The following PRKN variants were observed in gnomAD, a reference collection of about 807,000 sequenced individuals.
PRKN encodes E3 ubiquitin-protein ligase parkin.
PRKN carries 56 observed loss-of-function variants against 59.5 expected under a neutral mutation model. That is an observed-to-expected ratio of 0.94 (90% CI 0.76 to 1.18). PRKN has a LOEUF of 1.18. Among genes scored for constraint, PRKN ranks in the 50% most tolerant of loss-of-function variants. The probability of loss-of-function intolerance (pLI) is 0.00; values close to 1 mark genes in which losing one functional copy is unlikely to be tolerated. For missense variants in PRKN, 657 were observed against 596.4 expected, an observed-to-expected ratio of 1.10 and a Z score of -1.06; for synonymous variants, 250 against 222.1, an observed-to-expected ratio of 1.13 and a Z score of -1.12.
intron 4 of PRKN, among the ~76,000 whole-genome samples, chr6:162,058,322 G>A (rs1777948405): frequency 1.3e-5 from 2 of 152,132 alleles, no homozygotes; most frequent in Admixed American, 1.3e-4. Context: ...GGGATAATTA[G>A]GTAATTGTCG....
rs138472940 is a variant in PRKN, at chr6:162,405,793, G to A, written c.171+37517C>T. Among the ~76,000 whole-genome samples the A allele has an allele frequency of 2.9e-4, 44 of 152,242 alleles. No individual in the cohort carries two copies. In the East Asian group the frequency reaches 7.9e-3, roughly 27 times the overall value. On this transcript the variant is annotated intron_variant, in intron 2 of 11. Coordinates refer to ENST00000366898, the MANE Select transcript of PRKN (RefSeq NM_004562.3). Reference sequence around the variant, plus strand: ...CCGCAAGCCAAGGAGACAGGCCTCAGGAAAAACCACCTGCTGGCACTGTGC... The same window carrying A: ...CCGCAAGCCAAGGAGACAGGCCTCAAGAAAAACCACCTGCTGGCACTGTGC...
chr6:161,718,566 G>A (rs918550568), intron 7 of PRKN, among the ~76,000 whole-genome samples: 1 of 146,394 alleles, frequency 6.8e-6, no homozygotes, highest in Non-Finnish European at 1.5e-5. Flanking sequence ...CTGGGCAAAG[G>A]TGTGGCCTTC....
chr6:162,721,597 G>A (rs149982731), intron 1 of PRKN, among the ~76,000 whole-genome samples: 68 of 152,220 alleles, frequency 4.5e-4, no homozygotes, highest in African/African-American at 1.6e-3. Context: ...AACTGGAATG[G>A]CTCCACTGGG....
intron 5 of PRKN, among the ~76,000 whole-genome samples, chr6:162,025,237 TTGTGATCCG>T (rs1220959535): frequency 6.6e-6 from 1 of 151,954 alleles, no homozygotes. Flanking sequence ...TCTTCTGACC[TTGTGATCCG>T]ACCGCCTCGG....
At chr6:161,540,235 T>C (rs921009364) in intron 9 of PRKN, among the ~76,000 whole-genome samples, 1 of 152,214 alleles carries the variant, frequency 6.6e-6, no homozygotes, top group Non-Finnish European at 1.5e-5. Context: ...GCAGTTAATG[T>C]TTTTGAGATT....
intron 7 of PRKN, among the ~76,000 whole-genome samples, chr6:161,706,560 C>T (rs1385229576): frequency 6.6e-6 from 1 of 151,874 alleles, no homozygotes; most frequent in Non-Finnish European, 1.5e-5. Context: ...GAGAGAAAAG[C>T]AGCATTGGAA....
intron 2 of PRKN, among the ~76,000 whole-genome samples, chr6:162,275,881 A>G (rs1386046390): frequency 1.3e-5 from 2 of 152,106 alleles, no homozygotes; most frequent in Non-Finnish European, 2.9e-5. Flanking sequence ...GCTAATTGGC[A>G]CATCTTAGAA....
intron 9 of PRKN, among the ~76,000 whole-genome samples, chr6:161,398,663 A>G (rs938825934): frequency 6.6e-6 from 1 of 152,040 alleles, no homozygotes; most frequent in African/African-American, 2.4e-5. Context: ...GCTCTACCCA[A>G]TGCTCCCTCC....
intron 10 of PRKN, among the ~76,000 whole-genome samples, chr6:161,375,223 G>A (rs1033611413): frequency 1.2e-4 from 18 of 152,184 alleles, no homozygotes; most frequent in African/African-American, 3.9e-4. Context: ...GCCCCTGGCC[G>A]GAAGCTGCAC....
chr6:162,697,221 T>A (rs1778002707), intron 1 of PRKN, among the ~76,000 whole-genome samples: 1 of 152,190 alleles, frequency 6.6e-6, no homozygotes, highest in Non-Finnish European at 1.5e-5. Flanking sequence ...TGCTTCTGTA[T>A]AACCTTCAAG....
intron 1 of PRKN, among the ~76,000 whole-genome samples, chr6:162,598,853 C>CAAAAAAAA (rs35219327): frequency 9.4e-6 from 1 of 106,908 alleles, no homozygotes. Flanking sequence ...ATTCTGTCAC[C>CAAAAAAAA]AAAAAAAAAA....
chr6:162,352,746 A>G (rs2128131560), intron 2 of PRKN, among the ~76,000 whole-genome samples: 1 of 152,338 alleles, frequency 6.6e-6, no homozygotes, highest in South Asian at 2.1e-4. Context: ...TTGCTTAGTA[A>G]TGGAAGCATC....
chr6:161,738,112 A>T (rs1240664721), intron 7 of PRKN, among the ~76,000 whole-genome samples: 3 of 152,184 alleles, frequency 2.0e-5, no homozygotes, highest in Non-Finnish European at 4.4e-5. Context: ...ATTTTTCTTA[A>T]AAATGCAGAT....
chr6:162,099,379 A>G (rs900381490), intron 4 of PRKN, among the ~76,000 whole-genome samples: 1 of 152,244 alleles, frequency 6.6e-6, no homozygotes, highest in African/African-American at 2.4e-5. Flanking sequence ...GAAACAAGTT[A>G]AACTGTTTTT....
intron 1 of PRKN, among the ~76,000 whole-genome samples, chr6:162,455,635 G>T (rs1562778137): frequency 6.6e-6 from 1 of 152,050 alleles, no homozygotes; most frequent in Non-Finnish European, 1.5e-5. Flanking sequence ...ATGGCTATGG[G>T]GGCCCATTTT....
At chr6:162,486,518 C>T (rs1438434375) in intron 1 of PRKN, among the ~76,000 whole-genome samples, 2 of 152,114 alleles carry the variant, frequency 1.3e-5, no homozygotes, top group Admixed American at 6.6e-5. Context: ...GAATATGTAC[C>T]ACCATACACT....
At chr6:162,451,435 T>C (rs776946006) in intron 1 of PRKN, among the ~76,000 whole-genome samples, 16 of 147,124 alleles carry the variant, frequency 1.1e-4, no homozygotes, top group Non-Finnish European at 2.1e-4. Context: ...ATAGAAATTA[T>C]AAAAAGGAAT....
Position 162,365,130 on chromosome 6 carries a change from A to C in PRKN, c.171+78180T>G, listed in dbSNP as rs562235492. Among the ~76,000 whole-genome samples, 543 of 152,144 alleles carry C rather than the reference A, an allele frequency of 3.6e-3. 4 individuals are homozygous for C. The highest frequency in any genetic ancestry group is 0.012 in the African/African-American group (513 of 41,544). ...TTGTATATTTTATCAATAATAAAAT[A>C]AATCCATAATTTAAAAAAATCACAC... On this transcript the variant is annotated intron_variant, in intron 2 of 11. Coordinates refer to ENST00000366898, the MANE Select transcript of PRKN (RefSeq NM_004562.3).
chr6:162,034,186 T>TAGAGAGAGAGAGAGAG (rs71643580), intron 5 of PRKN, among the ~76,000 whole-genome samples: 1 of 133,286 alleles, frequency 7.5e-6, no homozygotes, highest in Non-Finnish European at 1.6e-5. Context: ...TATATATATA[T>TAGAGAGAGAGAGAGAG]AGAGAGAGAG....
Sources: allele counts gnomAD v4.1 joint callset (sites outside exome capture counted in the v4.1 genomes callset), GRCh38; gene constraint gnomAD v4.1.1; transcripts MANE v1.5; gene names NCBI Gene and HGNC (gene_info 2026-07-23, HGNC 2026-07-21).